SPTLC2: variants seen among roughly 807,000 people sequenced by gnomAD.
The protein encoded by SPTLC2 is serine palmitoyltransferase 2.
Under a neutral mutation model 62.0 loss-of-function variants are expected in SPTLC2, and 21 were observed. That is an observed-to-expected ratio of 0.34 (90% CI 0.24 to 0.49). SPTLC2 has a LOEUF of 0.49. Ranked by LOEUF, SPTLC2 falls within the 20% of genes least tolerant of loss-of-function variation. The pLI is 0.99. For missense variants in SPTLC2, 511 were observed against 713.0 expected, an observed-to-expected ratio of 0.72 and a Z score of 3.23; for synonymous variants, 261 against 261.8, an observed-to-expected ratio of 1.00 and a Z score of 0.03.
chr14:77,519,530 A>C (rs2079375969), intron 10 of SPTLC2, among the ~76,000 whole-genome samples: 1 of 152,032 alleles, frequency 6.6e-6, no homozygotes, highest in South Asian at 2.1e-4. Context: ...CAGCCTGGCC[A>C]ACATGGTTAG....
At chr14:77,601,300 C>A (rs35503744) in intron 1 of SPTLC2, among the ~76,000 whole-genome samples, 1 of 152,014 alleles carries the variant, frequency 6.6e-6, no homozygotes, top group Admixed American at 6.5e-5. Flanking sequence ...CCACCCTAAC[C>A]GATCAATGTA....
At chr14:77,538,918 G>C (rs958195136) in intron 9 of SPTLC2, among the ~76,000 whole-genome samples, 2 of 151,618 alleles carry the variant, frequency 1.3e-5, no homozygotes, top group African/African-American at 4.8e-5. Flanking sequence ...TTGTATCCTG[G>C]CTTGAGCATC....
chr14:77,559,355 C>T (rs2079602479), intron 6 of SPTLC2, among the ~76,000 whole-genome samples: 1 of 151,998 alleles, frequency 6.6e-6, no homozygotes. Flanking sequence ...AATGCTTAAC[C>T]ATATTATCTA....
At chr14:77,562,831 T>C (rs983885399) in intron 5 of SPTLC2, among the ~76,000 whole-genome samples, 3 of 152,186 alleles carry the variant, frequency 2.0e-5, no homozygotes, top group Non-Finnish European at 2.9e-5. Flanking sequence ...GAGAATTCCA[T>C]GTAGTTTTAG....
Position 77,508,651 on chromosome 14 carries a change from T to C in SPTLC2, c.*3633A>G, listed in dbSNP as rs2079317590. On this transcript the variant is annotated 3_prime_UTR_variant, in exon 12 of 12. Transcript: ENST00000216484. ...CACTCATCCCCCTGGTTTTCACCAA[T>C]AAGAAGGAAGCAAAGTGTATAACAC... is the stretch of plus-strand genomic sequence containing the variant. The C allele has an allele frequency of 1.3e-5, 2 of 152,164 alleles. No individual in the cohort carries two copies. Among genetic ancestry groups the C allele is most frequent in the Admixed American group, 1.3e-4 (2 of 15,278 alleles). The allele number at this position is 152,164 out of a possible 1,614,324, so 9.4% of individuals were successfully genotyped here.
At chr14:77,581,883 C>T (rs1223453997) in intron 2 of SPTLC2, among the ~76,000 whole-genome samples, 1 of 152,010 alleles carries the variant, frequency 6.6e-6, no homozygotes, top group African/African-American at 2.4e-5. Context: ...ATATCCAATT[C>T]TAATTAAAAC....
rs916418301 is a variant in SPTLC2 at position 77,616,619 on chromosome 14, G to A, written c.-40C>T. 3.9e-6 allele frequency: 6 copies of A among 1,526,738 alleles called. No individual in the cohort carries two copies. Among genetic ancestry groups the A allele is most frequent in the Non-Finnish European group, 5.3e-6 (6 of 1,140,022 alleles). The allele number at this position is 1,526,738 out of a possible 1,614,324, so 94.6% of individuals were successfully genotyped here. On this transcript the variant is annotated 5_prime_UTR_variant, in exon 1 of 12. Transcript: ENST00000216484. ...CAGGCGCAAGGCAGGCTCTGTAGGCGGTGGCAGCGGCGGCGGCTGCTCCAA... is the reference window on the plus strand; with the variant it reads ...CAGGCGCAAGGCAGGCTCTGTAGGCAGTGGCAGCGGCGGCGGCTGCTCCAA...
At chr14:77,615,052 C>T (rs529273482) in intron 1 of SPTLC2, among the ~76,000 whole-genome samples, 8 of 152,216 alleles carry the variant, frequency 5.3e-5, no homozygotes, top group Non-Finnish European at 1.0e-4. Flanking sequence ...AACTCCTACC[C>T]GTTAAATTTC....
chr14:77,601,500 C>A (rs777037080), intron 1 of SPTLC2, among the ~76,000 whole-genome samples: 1 of 152,160 alleles, frequency 6.6e-6, no homozygotes, highest in African/African-American at 2.4e-5. Context: ...CCCACTAGCA[C>A]CCAGGTGAAA....
chr14:77,588,996 C>CAAAAAA (rs60536883), intron 2 of SPTLC2, among the ~76,000 whole-genome samples: 23 of 74,604 alleles, frequency 3.1e-4, no homozygotes, highest in African/African-American at 6.5e-4. Context: ...GACCTTGTCT[C>CAAAAAA]AAAAAAAAAA....
At chr14:77,578,702 A>G (rs2079730897) in intron 3 of SPTLC2, 2 of 377,632 alleles carry the variant, frequency 5.3e-6, no homozygotes, top group East Asian at 1.2e-4. Flanking sequence ...CCTGGGTGAC[A>G]GAGCGAAACT....
intron 1 of SPTLC2, among the ~76,000 whole-genome samples, chr14:77,615,164 A>C (rs945625967): frequency 2.0e-5 from 3 of 152,172 alleles, no homozygotes; most frequent in African/African-American, 7.2e-5. Context: ...GACTGTTATC[A>C]CTTCCTCCCT....
At chr14:77,569,085 TTGA>T (rs1440799427) in intron 5 of SPTLC2, among the ~76,000 whole-genome samples, 2 of 149,546 alleles carry the variant, frequency 1.3e-5, no homozygotes, top group African/African-American at 4.9e-5. Flanking sequence ...TTATAACCTC[TTGA>T]TGAATTAATT....
chr14:77,595,054 AG>A (rs1037066427), intron 2 of SPTLC2, among the ~76,000 whole-genome samples: 5 of 152,064 alleles, frequency 3.3e-5, no homozygotes, highest in African/African-American at 1.2e-4. Context: ...CAGGGGGAGA[AG>A]GGGGATCAAA....
At chr14:77,535,061 G>A (rs1386427174) in intron 9 of SPTLC2, among the ~76,000 whole-genome samples, 2 of 152,142 alleles carry the variant, frequency 1.3e-5, no homozygotes, top group African/African-American at 4.8e-5. Flanking sequence ...CCGAGTAGCT[G>A]GGATTACAGG....
intron 9 of SPTLC2, among the ~76,000 whole-genome samples, chr14:77,527,542 T>G (rs529039645): frequency 3.4e-4 from 52 of 152,242 alleles, no homozygotes; most frequent in Non-Finnish European, 6.2e-4. Context: ...GTGTACCAAT[T>G]GCTTTTCAGT....
At chr14:77,584,800 C>G (rs1393143131) in intron 2 of SPTLC2, among the ~76,000 whole-genome samples, 1 of 152,202 alleles carries the variant, frequency 6.6e-6, no homozygotes, top group African/African-American at 2.4e-5. Context: ...CACACAGACA[C>G]ACACACACAC....
chr14:77,584,494 T>C (rs1275825363), intron 2 of SPTLC2, among the ~76,000 whole-genome samples: 1 of 143,558 alleles, frequency 7.0e-6, no homozygotes, highest in Non-Finnish European at 1.5e-5. Flanking sequence ...TAAATATACA[T>C]ACTCTGCACA....
chr14:77,569,022 T>G (rs1327798363), intron 5 of SPTLC2, among the ~76,000 whole-genome samples: 1 of 152,200 alleles, frequency 6.6e-6, no homozygotes, highest in Non-Finnish European at 1.5e-5. Flanking sequence ...ATGCTTAGCG[T>G]TCCAATAATG....
Sources: allele counts gnomAD v4.1 joint callset (sites outside exome capture counted in the v4.1 genomes callset), GRCh38; gene constraint gnomAD v4.1.1; transcripts MANE v1.5; gene names NCBI Gene and HGNC (gene_info 2026-07-23, HGNC 2026-07-21).